FANCL: variants seen among roughly 807,000 people sequenced by gnomAD.
FANCL encodes the protein E3 ubiquitin-protein ligase FANCL.
FANCL carries 69 observed loss-of-function variants against 59.4 expected under a neutral mutation model. That is an observed-to-expected ratio of 1.16 (90% confidence interval 0.96 to 1.42). The LOEUF is 1.42. Ranked by LOEUF, FANCL falls within the 40% of genes most tolerant of loss-of-function variation. The probability of loss-of-function intolerance (pLI) is 0.00; values close to 1 mark genes in which losing one functional copy is unlikely to be tolerated. For missense variants in FANCL, 519 were observed against 447.2 expected (o/e 1.16, Z -1.45); for synonymous variants, 180 against 147.1 (o/e 1.22, Z -1.62).
chr2:58,219,078 G>T (rs1335355229), intron 5 of FANCL, among the ~76,000 whole-genome samples: 4 of 134,592 alleles, frequency 3.0e-5, no homozygotes, highest in Non-Finnish European at 6.2e-5. Flanking sequence ...AAAAATGGCT[G>T]ATTCTAGGAA....
rs1408774646 is a variant in FANCL at position 58,161,652 on chromosome 2, ATATT to A, written c.904-18_904-15del. The A allele has an allele frequency of 1.2e-5, 18 of 1,556,736 alleles. No homozygotes were observed. The highest frequency in any genetic ancestry group is 1.6e-5 in the Non-Finnish European group (18 of 1,129,048). On this transcript the variant is annotated splice_polypyrimidine_tract_variant and intron_variant, in intron 11 of 13. Coordinates refer to ENST00000233741, the MANE Select transcript of FANCL (RefSeq NM_018062.4). ...CATAGTAAAATCCTTCAAAAGAAAA[ATATT>A]TATAAAAAGCGTATGTGTCTCACTA... is the stretch of plus-strand genomic sequence containing the variant.
chr2:58,180,031 C>T (rs114792936), intron 7 of FANCL, among the ~76,000 whole-genome samples: 5,505 of 152,288 alleles, frequency 0.036, 115 homozygotes, highest in East Asian at 0.095. Flanking sequence ...GATACTACCA[C>T]ATGCCAGTTA....
chr2:58,196,099 G>C (rs1372823218), intron 7 of FANCL, among the ~76,000 whole-genome samples: 2 of 151,900 alleles, frequency 1.3e-5, no homozygotes, highest in African/African-American at 2.4e-5. Flanking sequence ...TAAGATTATG[G>C]CTAAATCACT....
intron 5 of FANCL, among the ~76,000 whole-genome samples, chr2:58,204,951 C>T (rs761950134): frequency 6.6e-6 from 1 of 152,116 alleles, no homozygotes; most frequent in South Asian, 2.1e-4. Context: ...TGTAAAAATA[C>T]GGTCCCTTGA....
At chr2:58,202,310 G>A (rs1272533038) in intron 6 of FANCL, among the ~76,000 whole-genome samples, 1 of 147,564 alleles carries the variant, frequency 6.8e-6, no homozygotes, top group African/African-American at 2.5e-5. Flanking sequence ...TGATTACTAG[G>A]TAAATGATTA....
chr2:58,198,911 C>T (rs1427704114), intron 6 of FANCL, among the ~76,000 whole-genome samples: 1 of 151,774 alleles, frequency 6.6e-6, no homozygotes, highest in East Asian at 1.9e-4. Flanking sequence ...CGCCTGTAGT[C>T]CCAGCTACTT....
chr2:58,197,080 A>G (rs1291913085), intron 7 of FANCL, among the ~76,000 whole-genome samples: 1 of 151,884 alleles, frequency 6.6e-6, no homozygotes, highest in African/African-American at 2.4e-5. Context: ...TCAAAATACC[A>G]AAAGCAAATT....
chr2:58,210,387 C>T (rs1055217716), intron 5 of FANCL, among the ~76,000 whole-genome samples: 2 of 152,148 alleles, frequency 1.3e-5, no homozygotes, highest in Non-Finnish European at 2.9e-5. Context: ...GACACTTATT[C>T]ATTACCATGA....
intron 4 of FANCL, among the ~76,000 whole-genome samples, chr2:58,225,274 A>G (rs906128366): frequency 4.0e-5 from 6 of 151,840 alleles, no homozygotes; most frequent in African/African-American, 1.4e-4. Context: ...CTAGGCACCA[A>G]CTCATTATTC....
intron 3 of FANCL, among the ~76,000 whole-genome samples, chr2:58,227,881 AT>A (rs1243421927): frequency 1.3e-5 from 2 of 150,844 alleles, no homozygotes; most frequent in Admixed American, 6.6e-5. Flanking sequence ...CAACCTCATC[AT>A]TACTTTTTTT....
chr2:58,163,278 G>A (rs540775158), intron 9 of FANCL, 156 bp downstream of exon 9: 10 of 726,912 alleles, frequency 1.4e-5, no homozygotes, highest in African/African-American at 5.4e-5. Context: ...CCGAGATCGC[G>A]CCATTACACT....
At chr2:58,182,233 T>G (rs1558764209) in intron 7 of FANCL, among the ~76,000 whole-genome samples, 1 of 151,838 alleles carries the variant, frequency 6.6e-6, no homozygotes, top group Non-Finnish European at 1.5e-5. Flanking sequence ...AACTTAAACA[T>G]TAATATACAA....
chr2:58,198,752 G>A (rs758917546), intron 6 of FANCL, 90 bp from the exon 7 acceptor site: 21 of 1,010,668 alleles, frequency 2.1e-5, no homozygotes, highest in Middle Eastern at 2.9e-4. Context: ...ATTAGGGGCC[G>A]GGCGCGGTGG....
intron 1 of FANCL, 126 bp downstream of exon 1, chr2:58,241,092 G>A (rs1323791156): frequency 5.1e-6 from 5 of 987,880 alleles, no homozygotes; most frequent in Non-Finnish European, 7.8e-6. Flanking sequence ...CCCAAGAGCC[G>A]TTACGCGCCG....
At chr2:58,204,051 T>G (rs1036796173) in intron 6 of FANCL, 79 bp downstream of exon 6, 2 of 1,083,336 alleles carry the variant, frequency 1.8e-6, no homozygotes, top group Non-Finnish European at 2.9e-6. Flanking sequence ...AACTAGCACT[T>G]CTTTACATTG....
intron 5 of FANCL, among the ~76,000 whole-genome samples, chr2:58,216,491 A>T: frequency 6.6e-6 from 1 of 152,140 alleles, no homozygotes; most frequent in East Asian, 1.9e-4. Flanking sequence ...CAGTTTCCTC[A>T]TTTATCTCCT....
At chr2:58,191,531 A>G (rs1688918642) in intron 7 of FANCL, among the ~76,000 whole-genome samples, 1 of 151,856 alleles carries the variant, frequency 6.6e-6, no homozygotes, top group African/African-American at 2.4e-5. Context: ...CACCTTCCAC[A>G]TCCACGTAGC....
chr2:58,172,269 G>A (rs1176804316), intron 7 of FANCL, among the ~76,000 whole-genome samples: 9 of 152,206 alleles, frequency 5.9e-5, no homozygotes, highest in Non-Finnish European at 1.0e-4. Flanking sequence ...GCACGCACCT[G>A]GAGATCTGAG....
intron 7 of FANCL, among the ~76,000 whole-genome samples, chr2:58,173,373 G>A (rs1044660325): frequency 2.0e-5 from 3 of 152,134 alleles, no homozygotes; most frequent in Non-Finnish European, 4.4e-5. Flanking sequence ...AAAATGTTAA[G>A]GGCAGCCAGA....
Sources: gnomAD v4.1 joint callset for allele counts (sites outside exome capture counted in the v4.1 genomes callset) on GRCh38, gnomAD v4.1.1 for gene constraint, MANE v1.5 for transcripts, NCBI Gene and HGNC (gene_info 2026-07-23, HGNC 2026-07-21) for gene names.